Variants in PCGF5 observed in about 807,000 individuals in gnomAD.
PCGF5 encodes the protein polycomb group ring finger 5, also known as polycomb group RING finger protein 5.
Under a neutral mutation model 44.3 loss-of-function variants are expected in PCGF5, and 9 were observed. That is an observed-to-expected ratio of 0.20 (90% CI 0.12 to 0.35). PCGF5 has a LOEUF of 0.35. Ranked by LOEUF, PCGF5 falls within the 10% of genes least tolerant of loss-of-function variation. The probability of loss-of-function intolerance (pLI) is 1.00; values close to 1 mark genes in which losing one functional copy is unlikely to be tolerated. For synonymous variants in PCGF5, 95 were observed against 102.5 expected (o/e 0.93, Z 0.44); for missense variants, 146 against 305.3 (o/e 0.48, Z 3.89).
intron 7 of PCGF5, among the ~76,000 whole-genome samples, chr10:91,262,676 A>G (rs538136012): frequency 4.6e-5 from 7 of 152,184 alleles, no homozygotes; most frequent in Admixed American, 6.5e-5. Flanking sequence ...GAAAATTGTT[A>G]TTATGGTATG....
At chr10:91,258,250 A>C (rs773081796) in intron 6 of PCGF5, among the ~76,000 whole-genome samples, 6 of 152,104 alleles carry the variant, frequency 3.9e-5, no homozygotes, top group Non-Finnish European at 8.8e-5. Context: ...TAGTATAAAA[A>C]CTATAATTAA....
chr10:91,262,189 C>T (rs1364455961), intron 7 of PCGF5, among the ~76,000 whole-genome samples: 2 of 152,082 alleles, frequency 1.3e-5, no homozygotes, highest in South Asian at 2.1e-4. Context: ...CTTGGGGAGG[C>T]GGAGGCTAGT....
chr10:91,174,750 A>C (rs1843672336), intron 1 of PCGF5, among the ~76,000 whole-genome samples: 1 of 152,206 alleles, frequency 6.6e-6, no homozygotes, highest in South Asian at 2.1e-4. Context: ...TGTTAAAAGA[A>C]ATTGATAAGG....
chr10:91,158,074 A>G (rs1435519225), upstream of PCGF5, among the ~76,000 whole-genome samples: 5 of 152,256 alleles, frequency 3.3e-5, no homozygotes, highest in East Asian at 9.6e-4. Context: ...TGACTTAGGC[A>G]GGATTAATTA....
chr10:91,162,964 C>T (rs1217761739), upstream of PCGF5: 1 of 145,244 alleles, frequency 6.9e-6, no homozygotes, highest in Non-Finnish European at 1.5e-5. Context: ...GCTCGCACCC[C>T]CGCTGCCCCG....
chr10:91,205,769 A>G (rs538181212), intron 1 of PCGF5, among the ~76,000 whole-genome samples: 1 of 152,242 alleles, frequency 6.6e-6, no homozygotes, highest in African/African-American at 2.4e-5. Flanking sequence ...ACTTGTGGTC[A>G]TTTGTTGGTC....
intron 2 of PCGF5, among the ~76,000 whole-genome samples, chr10:91,238,096 A>C (rs1158809142): frequency 6.6e-6 from 1 of 152,232 alleles, no homozygotes; most frequent in Non-Finnish European, 1.5e-5. Flanking sequence ...AAAATTATTG[A>C]GATTACCTGT....
intron 1 of PCGF5, among the ~76,000 whole-genome samples, chr10:91,208,871 C>A (rs1013073564): frequency 6.6e-6 from 1 of 152,192 alleles, no homozygotes; most frequent in African/African-American, 2.4e-5. Context: ...TCAAACCAAA[C>A]TTTATTGGTA....
chr10:91,247,906 T>C (rs180826165), intron 3 of PCGF5, among the ~76,000 whole-genome samples: 3 of 152,248 alleles, frequency 2.0e-5, no homozygotes, highest in Non-Finnish European at 4.4e-5. Context: ...CTGAGTTAGC[T>C]GGGTGGTTCA....
the PCGF5 span, among the ~76,000 whole-genome samples, chr10:91,157,479 C>T: frequency 6.6e-6 from 1 of 152,160 alleles, no homozygotes; most frequent in Admixed American, 6.5e-5. Context: ...GCTGGGTTCA[C>T]TCTGTAAGAG....
chr10:91,228,490 A>G (rs145206415), intron 2 of PCGF5, among the ~76,000 whole-genome samples: 1,529 of 152,282 alleles, frequency 0.01, 11 homozygotes, highest in Non-Finnish European at 0.016. Flanking sequence ...CTAACCTAAG[A>G]ATAAATTATT....
chr10:91,193,096 A>G lies in PCGF5; in HGVS notation c.-183-29593A>G, dbSNP rs184881079. Among the ~76,000 whole-genome samples, 796 of 152,322 alleles carry G rather than the reference A, an allele frequency of 5.2e-3. 7 individuals are homozygous for G. The highest frequency in any genetic ancestry group is 0.018 in the African/African-American group (745 of 41,564). On this transcript the variant is annotated intron_variant, in intron 1 of 9. Coordinates refer to the PCGF5 transcript ENST00000614189. ...AATGTGAGAGAGACTCCACCCACCC[A>G]TGCTGAGAGTGCATGGCAAACGCAA...
At chr10:91,184,406 C>T (rs1834755096) in intron 1 of PCGF5, among the ~76,000 whole-genome samples, 1 of 152,058 alleles carries the variant, frequency 6.6e-6, no homozygotes, top group African/African-American at 2.4e-5. Context: ...TTGTCTCTGT[C>T]AGGTTGGTTA....
At chr10:91,231,944 C>G (rs966969475) in intron 2 of PCGF5, among the ~76,000 whole-genome samples, 1 of 152,134 alleles carries the variant, frequency 6.6e-6, no homozygotes, top group Non-Finnish European at 1.5e-5. Flanking sequence ...TAAGTTATAA[C>G]ATATTCAAAT....
chr10:91,206,244 A>G (rs1844346819), intron 1 of PCGF5, among the ~76,000 whole-genome samples: 1 of 152,178 alleles, frequency 6.6e-6, no homozygotes, highest in African/African-American at 2.4e-5. Context: ...ACTCGGAGAA[A>G]AAGCAGGTTT....
chr10:91,160,264 G>A (rs1394543381), upstream of PCGF5, among the ~76,000 whole-genome samples: 3 of 152,136 alleles, frequency 2.0e-5, no homozygotes, highest in Non-Finnish European at 2.9e-5. Context: ...AGACTGTTGG[G>A]CGTTGGGATT....
chr10:91,238,839 A>G (rs1032342791), intron 2 of PCGF5, among the ~76,000 whole-genome samples: 1 of 151,806 alleles, frequency 6.6e-6, no homozygotes, highest in Non-Finnish European at 1.5e-5. Context: ...CAAAGTATTC[A>G]ATTGTACATA....
chr10:91,267,542 A>G (rs1161084449), intron 8 of PCGF5, among the ~76,000 whole-genome samples: 2 of 152,238 alleles, frequency 1.3e-5, no homozygotes, highest in African/African-American at 2.4e-5. Flanking sequence ...TTACAAGGTA[A>G]TGGTTATGCA....
chr10:91,192,293 A>T (rs1339946586), intron 1 of PCGF5, among the ~76,000 whole-genome samples: 2 of 152,192 alleles, frequency 1.3e-5, no homozygotes, highest in Non-Finnish European at 2.9e-5. Flanking sequence ...TCAACAACTC[A>T]AGGTGTTTTG....
Sources: allele counts gnomAD v4.1 joint callset (sites outside exome capture counted in the v4.1 genomes callset), GRCh38; gene constraint gnomAD v4.1.1; transcripts MANE v1.5; gene names NCBI Gene and HGNC (gene_info 2026-07-23, HGNC 2026-07-21).